The following RARB variants were observed in gnomAD, a reference collection of about 807,000 sequenced individuals.
The protein encoded by RARB is HBV-activated protein.
A neutral mutation model predicts 51.9 loss-of-function variants in RARB; 17 were observed. That is an observed-to-expected ratio of 0.33 (90% CI 0.22 to 0.49). The LOEUF is 0.49. Ranked by LOEUF, RARB falls within the 20% of genes least tolerant of loss-of-function variation. The probability of loss-of-function intolerance (pLI) is 0.99; values close to 1 mark genes in which losing one functional copy is unlikely to be tolerated. For synonymous variants in RARB, 215 were observed against 195.4 expected, an observed-to-expected ratio of 1.10 and a Z score of -0.84; for missense variants, 369 against 550.8, an observed-to-expected ratio of 0.67 and a Z score of 3.30.
At chr3:25,173,261 C>T (rs1208089181) in intron 4 of RARB, among the ~76,000 whole-genome samples, 2 of 152,196 alleles carry the variant, frequency 1.3e-5, no homozygotes, top group Non-Finnish European at 2.9e-5. Flanking sequence ...ACTTCTTTAA[C>T]AATATGACCT....
intron 5 of RARB, among the ~76,000 whole-genome samples, chr3:25,301,139 G>A (rs1462388310): frequency 6.6e-6 from 1 of 152,078 alleles, no homozygotes; most frequent in African/African-American, 2.4e-5. Context: ...TTTATGATGG[G>A]GTTATCAGGG....
intron 2 of RARB, among the ~76,000 whole-genome samples, chr3:24,943,538 TAA>T (rs1300259390): frequency 6.6e-6 from 1 of 152,200 alleles, no homozygotes; most frequent in Non-Finnish European, 1.5e-5. Flanking sequence ...ATTCTGAGCT[TAA>T]GGAATTACCT....
chr3:25,203,157 T>G (rs1701441086), intron 5 of RARB, among the ~76,000 whole-genome samples: 1 of 152,240 alleles, frequency 6.6e-6, no homozygotes, highest in Admixed American at 6.5e-5. Context: ...TAGCTCTTCT[T>G]GTTGAATTGA....
intron 5 of RARB, among the ~76,000 whole-genome samples, chr3:25,389,710 A>T (rs187561393): frequency 3.3e-5 from 5 of 152,302 alleles, no homozygotes; most frequent in African/African-American, 1.2e-4. Flanking sequence ...TTTGCTATGG[A>T]CCTAAAAATC....
At chr3:24,829,376 C>T (rs935552433) in exon 1 of RARB, among the ~76,000 whole-genome samples, 1 of 152,042 alleles carries the variant, frequency 6.6e-6, no homozygotes, top group African/African-American at 2.4e-5. Context: ...GGCGGCGCGC[C>T]GCGGACTCCA....
At chr3:25,444,218 C>T (rs1188295199) in intron 1 of RARB, among the ~76,000 whole-genome samples, 1 of 152,142 alleles carries the variant, frequency 6.6e-6, no homozygotes, top group Non-Finnish European at 1.5e-5. Flanking sequence ...CAAATACCTA[C>T]CTTGAATCTC....
chr3:25,258,755 A>G (rs983712492), intron 5 of RARB, among the ~76,000 whole-genome samples: 38 of 152,156 alleles, frequency 2.5e-4, no homozygotes, highest in African/African-American at 8.4e-4. Context: ...ACCTCATAAC[A>G]CAGGAGAAGC....
intron 5 of RARB, among the ~76,000 whole-genome samples, chr3:25,216,513 C>T (rs984149732): frequency 1.6e-4 from 25 of 151,738 alleles, no homozygotes; most frequent in African/African-American, 5.8e-4. Context: ...CATGTTCTCA[C>T]TCATAAGTAG....
chr3:24,941,235 C>T (rs767621846), intron 2 of RARB, among the ~76,000 whole-genome samples: 3 of 152,058 alleles, frequency 2.0e-5, no homozygotes, highest in Non-Finnish European at 4.4e-5. Context: ...GGAAATGGGG[C>T]CTTCCTTAGC....
intron 5 of RARB, among the ~76,000 whole-genome samples, chr3:25,248,226 C>G (rs1454362771): frequency 6.6e-6 from 1 of 152,076 alleles, no homozygotes; most frequent in Non-Finnish European, 1.5e-5. Flanking sequence ...CATCCAATAT[C>G]TTTTTTCATC....
chr3:24,896,008 C>T (rs11916565), intron 2 of RARB, among the ~76,000 whole-genome samples: 8,756 of 152,242 alleles, frequency 0.058, 388 homozygotes, highest in East Asian at 0.15. Flanking sequence ...TCTATACATA[C>T]AGTGGCATAT....
intron 5 of RARB, among the ~76,000 whole-genome samples, chr3:25,246,151 T>C (rs946418647): frequency 6.6e-6 from 1 of 152,102 alleles, no homozygotes. Flanking sequence ...GTTCTTGTGC[T>C]GTGTTTTTCA....
chr3:25,408,339 G>A (rs570053412), intron 5 of RARB, among the ~76,000 whole-genome samples: 1 of 152,128 alleles, frequency 6.6e-6, no homozygotes, highest in African/African-American at 2.4e-5. Flanking sequence ...TTACAATCAT[G>A]GTGAAAGACA....
At chr3:25,494,901 C>T (rs1468399341) in intron 2 of RARB, among the ~76,000 whole-genome samples, 2 of 152,188 alleles carry the variant, frequency 1.3e-5, no homozygotes, top group South Asian at 2.1e-4. Flanking sequence ...ATTCACTGGA[C>T]GCCTGCTATG....
chr3:24,912,060 T>C (rs1158242653), intron 2 of RARB, among the ~76,000 whole-genome samples: 5 of 152,254 alleles, frequency 3.3e-5, no homozygotes, highest in Non-Finnish European at 5.9e-5. Context: ...CATTTACTTA[T>C]GCACATGGTC....
At chr3:25,383,275 A>G (rs1211171675) in intron 5 of RARB, among the ~76,000 whole-genome samples, 1 of 152,194 alleles carries the variant, frequency 6.6e-6, no homozygotes, top group East Asian at 1.9e-4. Context: ...AGCAATTTAC[A>G]CTTCACTGTG....
chr3:25,467,436 C>G (rs767659812), intron 2 of RARB, among the ~76,000 whole-genome samples: 7 of 147,056 alleles, frequency 4.8e-5, no homozygotes, highest in Non-Finnish European at 9.1e-5. Flanking sequence ...TGTTGCTCAC[C>G]ATTAGCCTAG....
chr3:25,119,027 A>T (rs976648547), intron 3 of RARB, among the ~76,000 whole-genome samples: 1 of 152,170 alleles, frequency 6.6e-6, no homozygotes, highest in Admixed American at 6.6e-5. Context: ...GCAGTTTTTT[A>T]AAGTTTCCAT....
At chr3:25,408,437 T>A (rs767198669) in intron 5 of RARB, among the ~76,000 whole-genome samples, 1 of 151,950 alleles carries the variant, frequency 6.6e-6, no homozygotes, top group Admixed American at 6.6e-5. Context: ...AACTCTCAGA[T>A]CTCATGAGAA....
Sources: allele counts gnomAD v4.1 joint callset (sites outside exome capture counted in the v4.1 genomes callset), GRCh38; gene constraint gnomAD v4.1.1; transcripts MANE v1.5; gene names NCBI Gene and HGNC (gene_info 2026-07-23, HGNC 2026-07-21).